The following ATXN7 variants were observed in gnomAD, a reference collection of about 807,000 sequenced individuals.
ATXN7 encodes the protein ataxin 7, also known as ataxin-7.
A neutral mutation model predicts 70.5 loss-of-function variants in ATXN7; 12 were observed. The observed-to-expected ratio is 0.17, with a 90% CI of 0.11 to 0.28. ATXN7 has a LOEUF of 0.28. Among genes scored for constraint, ATXN7 ranks in the 10% least tolerant of loss-of-function variants. The pLI is 1.00. For synonymous variants in ATXN7, 498 were observed against 448.7 expected (o/e 1.11, Z -1.39); for missense variants, 1,256 against 1,131.7 (o/e 1.11, Z -1.58).
intron 1 of ATXN7, among the ~76,000 whole-genome samples, chr3:63,884,536 T>A (rs1703023566): frequency 6.6e-6 from 1 of 152,008 alleles, no homozygotes; most frequent in South Asian, 2.1e-4. Context: ...GTTGGATAAA[T>A]AAGCAAATGG....
chr3:63,880,401 G>T (rs1348876114), intron 1 of ATXN7, among the ~76,000 whole-genome samples: 1 of 152,196 alleles, frequency 6.6e-6, no homozygotes, highest in Non-Finnish European at 1.5e-5. Context: ...AGATAGCCCT[G>T]ACTCAAGGAG....
Position 63,961,824 on chromosome 3 carries a change from A to G in ATXN7, c.499+9341A>G, listed in dbSNP as rs142582993. Among the ~76,000 whole-genome samples the G allele has an allele frequency of 3.1e-3, 467 of 152,270 alleles. 5 individuals are homozygous for G. The highest frequency in any genetic ancestry group is 0.014 in the Middle Eastern group (4 of 294). ...CTGCTACATGTAGAAATCATTAGCTATTATAGGATTGCCATGCTTCAGCTT... is the reference window on the plus strand; with the variant it reads ...CTGCTACATGTAGAAATCATTAGCTGTTATAGGATTGCCATGCTTCAGCTT... On this transcript the variant is annotated intron_variant, in intron 5 of 12. Transcript: ENST00000674280.
At chr3:63,961,944 A>G (rs1649019561) in intron 5 of ATXN7, among the ~76,000 whole-genome samples, 1 of 152,180 alleles carries the variant, frequency 6.6e-6, no homozygotes, top group South Asian at 2.1e-4. Flanking sequence ...AATTTGTACG[A>G]TGACTAAGAT....
At chr3:63,941,003 G>A (rs1236882022) in intron 4 of ATXN7, among the ~76,000 whole-genome samples, 1 of 152,096 alleles carries the variant, frequency 6.6e-6, no homozygotes, top group Non-Finnish European at 1.5e-5. Flanking sequence ...TGCCATGTTG[G>A]TCACTGTTGT....
intron 1 of ATXN7, among the ~76,000 whole-genome samples, chr3:63,880,310 G>A (rs1250430099): frequency 1.3e-5 from 2 of 152,156 alleles, no homozygotes; most frequent in African/African-American, 4.8e-5. Context: ...GTCTTTATCA[G>A]AGATTCTTTT....
intron 4 of ATXN7, among the ~76,000 whole-genome samples, chr3:63,939,052 G>A (rs540258394): frequency 2.0e-5 from 3 of 151,626 alleles, no homozygotes; most frequent in Admixed American, 6.6e-5. Flanking sequence ...TGATTTGTAA[G>A]ACATTTGCCT....
rs767560604 is a variant in ATXN7 at position 63,952,444 on chromosome 3, A to T, written c.460A>T (p.Asn154Tyr). Residue 154 changes from asparagine to tyrosine, a missense_variant, in exon 5 of 13, where the codon AAT (asparagine) becomes TAT (tyrosine). Asn to Tyr is a moderately radical substitution (Grantham distance 143). Transcript: ENST00000674280. ...CTACTTGGTGGTGTGTAACGACTGTAATCAGGTTGTCAAACCGCAGGCATT... is the reference window on the plus strand; with the variant it reads ...CTACTTGGTGGTGTGTAACGACTGTTATCAGGTTGTCAAACCGCAGGCATT... Reference protein sequence around the residue: ...DFYLVVCNDCNQVVKPQAFQS... With the variant: ...DFYLVVCNDCYQVVKPQAFQS... 1.2e-6 allele frequency: 2 copies of T among 1,612,404 alleles called. No individual in the cohort carries two copies. The highest frequency in any genetic ancestry group is 1.7e-6 in the Non-Finnish European group (2 of 1,179,576).
At chr3:63,915,583 T>C (rs748393736) in intron 4 of ATXN7, among the ~76,000 whole-genome samples, 1 of 152,234 alleles carries the variant, frequency 6.6e-6, no homozygotes, top group Non-Finnish European at 1.5e-5. Context: ...AAAAGATGTT[T>C]TGAAGTTGAA....
chr3:63,979,794 A>G (rs1389919964), intron 5 of ATXN7, 121 bp from the exon 6 acceptor site: 3 of 1,374,844 alleles, frequency 2.2e-6, no homozygotes, highest in Middle Eastern at 1.9e-4. Flanking sequence ...TGAGTTTAAC[A>G]TACCTTCACT....
rs945079311 is a variant in ATXN7, at chr3:64,003,403, G to A, written c.*3936G>A. The A allele has an allele frequency of 1.3e-5, 2 of 151,836 alleles. No individual in the cohort carries two copies. Among genetic ancestry groups the A allele is most frequent in the Non-Finnish European group, 2.9e-5 (2 of 67,960 alleles). 9.4% of individuals were successfully genotyped at this position (151,836 alleles called of 1,614,324 possible). A position where few individuals can be genotyped will look rare whatever the true frequency, so the allele number is the denominator to read the frequency against. ...ATATTTAAAAGAGAAGAAATATATAGTCTATTTGTTTTGTAACAAGTTTCT... is the reference window on the plus strand; with the variant it reads ...ATATTTAAAAGAGAAGAAATATATAATCTATTTGTTTTGTAACAAGTTTCT... On this transcript the variant is annotated 3_prime_UTR_variant, in exon 13 of 13. Coordinates refer to ENST00000674280, the MANE Select transcript of ATXN7 (RefSeq NM_001377405.1).
chr3:63,996,954 G>C (rs2075770323), intron 12 of ATXN7, among the ~76,000 whole-genome samples: 1 of 152,156 alleles, frequency 6.6e-6, no homozygotes, highest in Admixed American at 6.5e-5. Context: ...CTAGAAAGGG[G>C]TGATTTAAGA....
At chr3:63,990,971 C>CAAAGGCCAGT in intron 11 of ATXN7, 112 bp downstream of exon 11, 1 of 1,526,552 alleles carries the variant, frequency 6.6e-7, no homozygotes, top group Non-Finnish European at 8.9e-7. Flanking sequence ...CAAAACTGGC[C>CAAAGGCCAGT]TTTGGCCCTG....
At chr3:63,935,293 T>C (rs2074639363) in intron 4 of ATXN7, among the ~76,000 whole-genome samples, 1 of 152,188 alleles carries the variant, frequency 6.6e-6, no homozygotes, top group African/African-American at 2.4e-5. Context: ...CTCCCTATCT[T>C]GAGTTTCACT....
intron 5 of ATXN7, chr3:63,968,051 G>A (rs147473367): frequency 0.022 from 26,818 of 1,231,466 alleles, 456 homozygotes; most frequent in Middle Eastern, 0.041. Flanking sequence ...TGGACGGTGG[G>A]GTAGGTCTTT....
intron 5 of ATXN7, among the ~76,000 whole-genome samples, chr3:63,975,367 A>G (rs1390266998): frequency 6.6e-6 from 1 of 152,216 alleles, no homozygotes; most frequent in Non-Finnish European, 1.5e-5. Flanking sequence ...ATAACCAAGT[A>G]AACTGTATTC....
chr3:63,896,881 T>G (rs1283711875), intron 1 of ATXN7, among the ~76,000 whole-genome samples: 1 of 152,196 alleles, frequency 6.6e-6, no homozygotes, highest in African/African-American at 2.4e-5. Context: ...ATGACTTCCT[T>G]GGATACTTTG....
chr3:63,978,708 T>A (rs1165929460), intron 5 of ATXN7, among the ~76,000 whole-genome samples: 1 of 152,192 alleles, frequency 6.6e-6, no homozygotes, highest in East Asian at 1.9e-4. Context: ...GAAATTTGAA[T>A]TTTGTCTGTA....
chr3:63,946,500 G>A (rs894893857), intron 4 of ATXN7, among the ~76,000 whole-genome samples: 2 of 152,010 alleles, frequency 1.3e-5, no homozygotes, highest in Non-Finnish European at 2.9e-5. Context: ...AAAATTAGCC[G>A]GGCATGGTAG....
At chr3:63,951,206 A>G (rs2074948023) in intron 4 of ATXN7, among the ~76,000 whole-genome samples, 1 of 152,138 alleles carries the variant, frequency 6.6e-6, no homozygotes, top group Non-Finnish European at 1.5e-5. Flanking sequence ...AATTCAGTGT[A>G]ATAGAAACTG....
Sources: gnomAD v4.1 joint callset for allele counts (sites outside exome capture counted in the v4.1 genomes callset) on GRCh38, gnomAD v4.1.1 for gene constraint, MANE v1.5 for transcripts, NCBI Gene and HGNC (gene_info 2026-07-23, HGNC 2026-07-21) for gene names.